Variants in STK32B observed in about 807,000 individuals in gnomAD.
STK32B encodes serine/threonine kinase 32B, also known as serine/threonine-protein kinase 32B.
Under a neutral mutation model 52.6 loss-of-function variants are expected in STK32B, and 43 were observed. The observed-to-expected ratio is 0.82, with a 90% CI of 0.64 to 1.05. STK32B has a LOEUF of 1.05. Among genes scored for constraint, STK32B ranks in the 50% least tolerant of loss-of-function variants. The probability of loss-of-function intolerance (pLI) is 0.00; values close to 1 mark genes in which losing one functional copy is unlikely to be tolerated. For synonymous variants in STK32B, 238 were observed against 204.3 expected, an observed-to-expected ratio of 1.17 and a Z score of -1.41; for missense variants, 621 against 534.6, an observed-to-expected ratio of 1.16 and a Z score of -1.59.
intron 3 of STK32B, among the ~76,000 whole-genome samples, chr4:5,290,191 G>C (rs2108882613): frequency 6.6e-6 from 1 of 152,174 alleles, no homozygotes; most frequent in Admixed American, 6.6e-5. Context: ...GGCTCACCTT[G>C]CTCCCCTAAA....
intron 4 of STK32B, among the ~76,000 whole-genome samples, chr4:5,358,904 G>A (rs1446721709): frequency 6.6e-6 from 1 of 152,158 alleles, no homozygotes; most frequent in Non-Finnish European, 1.5e-5. Flanking sequence ...TATACTTTAT[G>A]TTTTGCCTGG....
rs148441322 is a variant in STK32B at position 5,428,960 on chromosome 4, T to G, written c.562+12026T>G. Among the ~76,000 whole-genome samples, 608 of 152,324 alleles carry G rather than the reference T, an allele frequency of 4.0e-3. 2 individuals are homozygous for G. Among genetic ancestry groups the G allele is most frequent in the African/African-American group, 0.014 (571 of 41,570 alleles). On this transcript the variant is annotated intron_variant, in intron 6 of 11. Coordinates refer to ENST00000282908, the MANE Select transcript of STK32B (RefSeq NM_018401.3). ...ATATCCAGTGGTTTGCTGGTAAATG[T>G]CTAACAGCTAGTTCTCTGGTAAAGA...
At chr4:5,311,916 T>A (rs6846486) in intron 3 of STK32B, among the ~76,000 whole-genome samples, 23,679 of 130,270 alleles carry the variant, frequency 0.18, 1,984 homozygotes, top group African/African-American at 0.29. Flanking sequence ...ATATATATAT[T>A]TTTTTTTAAA....
intron 1 of STK32B, among the ~76,000 whole-genome samples, chr4:5,138,978 G>A (rs564110475): frequency 7.9e-5 from 12 of 152,272 alleles, no homozygotes; most frequent in Admixed American, 4.6e-4. Context: ...AGGGGACATC[G>A]GAGGGGAGGA....
chr4:5,120,080 A>T (rs1714942361), intron 1 of STK32B, among the ~76,000 whole-genome samples: 1 of 152,186 alleles, frequency 6.6e-6, no homozygotes, highest in Admixed American at 6.5e-5. Flanking sequence ...TAGCGTGATG[A>T]AATCTCATGC....
At chr4:5,377,641 A>C (rs1735665790) in intron 4 of STK32B, among the ~76,000 whole-genome samples, 1 of 152,200 alleles carries the variant, frequency 6.6e-6, no homozygotes, top group Non-Finnish European at 1.5e-5. Flanking sequence ...GGGAGGACCC[A>C]GGTAGGAGGT....
intron 1 of STK32B, among the ~76,000 whole-genome samples, chr4:5,131,557 C>T (rs1215742998): frequency 6.6e-6 from 1 of 152,208 alleles, no homozygotes; most frequent in Non-Finnish European, 1.5e-5. Context: ...CTCATGACCT[C>T]TCCTCTGACC....
intron 3 of STK32B, among the ~76,000 whole-genome samples, chr4:5,220,562 A>G (rs1189764586): frequency 1.3e-5 from 2 of 152,230 alleles, no homozygotes; most frequent in Non-Finnish European, 2.9e-5. Flanking sequence ...TAACAAAATT[A>G]TAAAATGCAA....
At position 5,122,401 on chromosome 4, in the gene STK32B, C is replaced by T. The variant is rs149301281; in HGVS notation, c.53-17504C>T. ...ATTCATTCACTCACTCATTCATTCA[C>T]TCACTCACTCATTCATTCACTCATT... On this transcript the variant is annotated intron_variant, in intron 1 of 11. Coordinates refer to ENST00000282908, the MANE Select transcript of STK32B (RefSeq NM_018401.3). 1.5e-3 allele frequency among the ~76,000 whole-genome samples: 186 copies of T among 125,814 alleles called. 1 individual carries two copies. Among genetic ancestry groups the T allele is most frequent in the South Asian group, 4.5e-3 (17 of 3,808 alleles). 82.5% of individuals were successfully genotyped at this position (125,814 alleles called of 152,430 possible).
intron 1 of STK32B, among the ~76,000 whole-genome samples, chr4:5,070,317 A>G (rs1711680673): frequency 6.6e-6 from 1 of 152,050 alleles, no homozygotes; most frequent in Non-Finnish European, 1.5e-5. Flanking sequence ...GCTGATGTGG[A>G]TCAAGCTGAC....
chr4:5,320,756 A>G (rs1731433473), intron 3 of STK32B, among the ~76,000 whole-genome samples: 1 of 152,200 alleles, frequency 6.6e-6, no homozygotes, highest in African/African-American at 2.4e-5. Context: ...ATGAGGATGG[A>G]ATGGAAACAC....
At chr4:5,473,420 A>G (rs1385199460) in intron 11 of STK32B, among the ~76,000 whole-genome samples, 1 of 151,942 alleles carries the variant, frequency 6.6e-6, no homozygotes, top group Admixed American at 6.6e-5. Flanking sequence ...TTGGGTGTTC[A>G]CTCTGTGCCA....
intron 6 of STK32B, chr4:5,437,849 T>A (rs928550133): frequency 3.2e-6 from 3 of 925,872 alleles, no homozygotes; most frequent in Non-Finnish European, 3.9e-6. Context: ...CACGTCTAAG[T>A]GCTGGGATTC....
At chr4:5,327,569 T>C (rs964739642) in intron 3 of STK32B, among the ~76,000 whole-genome samples, 1 of 152,132 alleles carries the variant, frequency 6.6e-6, no homozygotes, top group African/African-American at 2.4e-5. Flanking sequence ...GAATTTTTTT[T>C]TGAGAAGTAG....
At chr4:5,241,823 G>A (rs544813496) in intron 3 of STK32B, among the ~76,000 whole-genome samples, 6 of 152,172 alleles carry the variant, frequency 3.9e-5, no homozygotes, top group Admixed American at 6.5e-5. Context: ...GAGAACATGC[G>A]GTGTTTGGTT....
intron 3 of STK32B, among the ~76,000 whole-genome samples, chr4:5,171,470 G>T (rs2108740805): frequency 6.6e-6 from 1 of 152,254 alleles, no homozygotes; most frequent in African/African-American, 2.4e-5. Context: ...AATCCATCTT[G>T]CATTAATTTT....
At chr4:5,081,667 T>C (rs903683180) in intron 1 of STK32B, among the ~76,000 whole-genome samples, 1 of 152,178 alleles carries the variant, frequency 6.6e-6, no homozygotes, top group Non-Finnish European at 1.5e-5. Context: ...TAGCTGTTGC[T>C]GTTGTCTGTT....
At chr4:5,096,406 C>T (rs955955106) in intron 1 of STK32B, among the ~76,000 whole-genome samples, 1 of 152,174 alleles carries the variant, frequency 6.6e-6, no homozygotes, top group Non-Finnish European at 1.5e-5. Context: ...GCATCCCCAC[C>T]GTTGGGAGTG....
intron 11 of STK32B, among the ~76,000 whole-genome samples, chr4:5,473,620 G>A (rs1387627101): frequency 6.6e-6 from 1 of 152,142 alleles, no homozygotes; most frequent in Non-Finnish European, 1.5e-5. Flanking sequence ...TACATTAAAT[G>A]TTGGGCAAGG....
Sources: allele counts gnomAD v4.1 joint callset (sites outside exome capture counted in the v4.1 genomes callset), GRCh38; gene constraint gnomAD v4.1.1; transcripts MANE v1.5; gene names NCBI Gene and HGNC (gene_info 2026-07-23, HGNC 2026-07-21).